PDE10A: variants seen among roughly 807,000 people sequenced by gnomAD.
PDE10A encodes the protein phosphodiesterase 10A.
PDE10A carries 39 observed loss-of-function variants against 97.7 expected under a neutral mutation model. The ratio of observed to expected loss-of-function variants is 0.40; its 90% CI spans 0.31 to 0.52. The LOEUF is 0.52. PDE10A is among the 20% of genes least tolerant of loss of function. The probability of loss-of-function intolerance (pLI) is 0.56; values close to 1 mark genes in which losing one functional copy is unlikely to be tolerated. For synonymous variants in PDE10A, 371 were observed against 376.8 expected, an observed-to-expected ratio of 0.98 and a Z score of 0.18; for missense variants, 731 against 1,047.8, an observed-to-expected ratio of 0.70 and a Z score of 4.17.
chr6:165,428,033 T>C (rs1789288802), intron 10 of PDE10A, among the ~76,000 whole-genome samples: 1 of 152,260 alleles, frequency 6.6e-6, no homozygotes, highest in East Asian at 1.9e-4. Flanking sequence ...GTATGCATCA[T>C]AAAATCTCTA....
intron 18 of PDE10A, among the ~76,000 whole-genome samples, chr6:165,376,338 T>G (rs1393576686): frequency 6.6e-6 from 1 of 152,182 alleles, no homozygotes; most frequent in African/African-American, 2.4e-5. Flanking sequence ...CTTGAACGGA[T>G]GAGGTGCTTC....
chr6:165,441,543 T>C (rs1237614360), intron 5 of PDE10A, among the ~76,000 whole-genome samples: 1 of 152,210 alleles, frequency 6.6e-6, no homozygotes, highest in African/African-American at 2.4e-5. Flanking sequence ...ATTACACAAT[T>C]ACTAAGTGGT....
chr6:165,471,680 A>G (rs1196639203), intron 3 of PDE10A, among the ~76,000 whole-genome samples: 1 of 152,066 alleles, frequency 6.6e-6, no homozygotes, highest in Admixed American at 6.5e-5. Flanking sequence ...TTAATATCAC[A>G]TATCTGGATT....
intron 1 of PDE10A, among the ~76,000 whole-genome samples, chr6:165,682,099 G>A (rs1790992924): frequency 6.6e-6 from 1 of 152,114 alleles, no homozygotes; most frequent in African/African-American, 2.4e-5. Context: ...TCTTACTTGA[G>A]ACTGAAGGTT....
At chr6:165,971,540 C>T (rs1036259787) in intron 1 of PDE10A, among the ~76,000 whole-genome samples, 6 of 152,182 alleles carry the variant, frequency 3.9e-5, no homozygotes, top group Non-Finnish European at 7.3e-5. Context: ...TGCGACTGTA[C>T]GTTTCATTTT....
At chr6:165,778,997 T>C (rs1778271675) in intron 1 of PDE10A, among the ~76,000 whole-genome samples, 1 of 152,352 alleles carries the variant, frequency 6.6e-6, no homozygotes. Flanking sequence ...AATGCTATTA[T>C]TTAATGAGCA....
At chr6:165,869,975 A>G (rs190985265) in intron 1 of PDE10A, among the ~76,000 whole-genome samples, 412 of 152,294 alleles carry the variant, frequency 2.7e-3, no homozygotes, top group Middle Eastern at 0.014. Flanking sequence ...AAACTTAAGA[A>G]TAAAAACCAT....
chr6:165,910,185 G>A (rs917349803), intron 1 of PDE10A, among the ~76,000 whole-genome samples: 1 of 152,146 alleles, frequency 6.6e-6, no homozygotes, highest in Non-Finnish European at 1.5e-5. Context: ...TCATATCTGG[G>A]TGCAGAGACA....
At chr6:165,793,549 C>T (rs1417611676) in intron 1 of PDE10A, among the ~76,000 whole-genome samples, 1 of 152,152 alleles carries the variant, frequency 6.6e-6, no homozygotes, top group East Asian at 1.9e-4. Context: ...GCAATCCCAC[C>T]TGACACAACC....
intron 1 of PDE10A, among the ~76,000 whole-genome samples, chr6:165,645,977 T>C (rs1789377210): frequency 6.6e-6 from 1 of 151,550 alleles, no homozygotes; most frequent in African/African-American, 2.4e-5. Flanking sequence ...TTATATAAGG[T>C]AGGAAACAAG....
chr6:165,884,820 T>C (rs1208411567), intron 1 of PDE10A, among the ~76,000 whole-genome samples: 1 of 152,190 alleles, frequency 6.6e-6, no homozygotes, highest in Non-Finnish European at 1.5e-5. Flanking sequence ...AGGCTTTGTT[T>C]AAGAAAATTA....
At chr6:165,889,253 G>A (rs1266292378) in intron 1 of PDE10A, among the ~76,000 whole-genome samples, 2 of 152,194 alleles carry the variant, frequency 1.3e-5, no homozygotes. Flanking sequence ...GCCTATGGAG[G>A]AATATGGACC....
At chr6:165,413,771 C>T in intron 12 of PDE10A, 84 bp from the exon 13 acceptor site, 1 of 1,066,996 alleles carries the variant, frequency 9.4e-7, no homozygotes, top group South Asian at 1.6e-5. Flanking sequence ...AATCTCCCCT[C>T]AATCTTTGCA....
intron 6 of PDE10A, 91 bp from the exon 7 acceptor site, chr6:165,433,220 G>A (rs1789728711): frequency 7.5e-6 from 7 of 934,874 alleles, no homozygotes; most frequent in Non-Finnish European, 1.2e-5. Context: ...CATGATACTT[G>A]TAATCAATAA....
At chr6:165,838,477 C>T (rs117811599) in intron 1 of PDE10A, among the ~76,000 whole-genome samples, 394 of 152,292 alleles carry the variant, frequency 2.6e-3, no homozygotes, top group Admixed American at 7.5e-3. Context: ...AGTATATTTT[C>T]AAGATTGTGC....
intron 1 of PDE10A, among the ~76,000 whole-genome samples, chr6:165,844,408 G>A (rs1416111411): frequency 1.3e-5 from 2 of 152,232 alleles, no homozygotes; most frequent in Non-Finnish European, 2.9e-5. Context: ...AGAGAAAAGT[G>A]TGTTGCATAA....
chr6:165,639,425 C>CA (rs937670047), intron 1 of PDE10A, among the ~76,000 whole-genome samples: 90 of 151,460 alleles, frequency 5.9e-4, no homozygotes, highest in African/African-American at 1.9e-3. Context: ...TTCTCAACTG[C>CA]AAAAAAAATC....
intron 1 of PDE10A, among the ~76,000 whole-genome samples, chr6:165,657,491 A>T (rs1421645938): frequency 6.6e-6 from 1 of 152,278 alleles, no homozygotes; most frequent in African/African-American, 2.4e-5. Context: ...AACAAAAATT[A>T]ACAATGTATT....
intron 4 of PDE10A, 56 bp from the exon 5 acceptor site, chr6:165,449,033 T>A: frequency 8.1e-7 from 1 of 1,231,892 alleles, no homozygotes. Context: ...ATCTAACATG[T>A]ATGCATCCTC....
Sources: allele counts gnomAD v4.1 joint callset (sites outside exome capture counted in the v4.1 genomes callset), GRCh38; gene constraint gnomAD v4.1.1; transcripts MANE v1.5; gene names NCBI Gene and HGNC (gene_info 2026-07-23, HGNC 2026-07-21).